LIPH: variants seen among roughly 807,000 people sequenced by gnomAD.
The protein encoded by LIPH is lipase H.
Under a neutral mutation model 47.6 loss-of-function variants are expected in LIPH, and 32 were observed. That is an observed-to-expected ratio of 0.67 (90% CI 0.51 to 0.90). The LOEUF (loss-of-function observed/expected upper bound fraction) is 0.90. LIPH is among the 40% of genes least tolerant of loss of function. The probability of loss-of-function intolerance (pLI) is 0.00; values close to 1 mark genes in which losing one functional copy is unlikely to be tolerated. For synonymous variants in LIPH, 190 were observed against 195.6 expected (o/e 0.97, Z 0.24); for missense variants, 497 against 541.4 (o/e 0.92, Z 0.81).
At chr3:185,518,501 C>T (rs924389456) in intron 6 of LIPH, among the ~76,000 whole-genome samples, 3 of 151,810 alleles carry the variant, frequency 2.0e-5, no homozygotes. Flanking sequence ...AGGCTGGTCT[C>T]AAACTCCTGA....
At chr3:185,536,299 G>A (rs1720501098) in intron 1 of LIPH, among the ~76,000 whole-genome samples, 1 of 152,048 alleles carries the variant, frequency 6.6e-6, no homozygotes, top group South Asian at 2.1e-4. Flanking sequence ...AGTATCTTCT[G>A]TAAGATACTC....
chr3:185,520,259 G>A (rs575888019), intron 5 of LIPH, among the ~76,000 whole-genome samples: 3 of 152,034 alleles, frequency 2.0e-5, no homozygotes, highest in Non-Finnish European at 4.4e-5. Flanking sequence ...GGTGGCTCAC[G>A]CCTATAATCC....
chr3:185,520,644 T>G (rs548213644), intron 5 of LIPH, among the ~76,000 whole-genome samples: 17 of 152,194 alleles, frequency 1.1e-4, no homozygotes, highest in Non-Finnish European at 2.2e-4. Context: ...GTCATGGAGC[T>G]CTCTCACTCC....
At chr3:185,524,274 G>A (rs2077591132) in intron 4 of LIPH, 114 bp from the exon 5 acceptor site, 1 of 712,446 alleles carries the variant, frequency 1.4e-6, no homozygotes, top group Admixed American at 2.1e-5. Context: ...TATCATTATT[G>A]TTATACCTAT....
intron 1 of LIPH, among the ~76,000 whole-genome samples, chr3:185,542,858 AAC>A (rs1720755049): frequency 1.3e-5 from 2 of 152,204 alleles, no homozygotes; most frequent in South Asian, 4.1e-4. Context: ...TAAGTGAAAT[AAC>A]ACAGACACAG....
In LIPH at chr3:185,507,898, G is replaced by A. The variant is rs1176268077; in HGVS notation, c.*892C>T. 6.6e-6 allele frequency: 1 copy of A among 152,184 alleles called. No individual in the cohort carries two copies. Among genetic ancestry groups the A allele is most frequent in the African/African-American group, 2.4e-5 (1 of 41,418 alleles). The allele number at this position is 152,184 out of a possible 1,614,324, so 9.4% of individuals were successfully genotyped here. A position where few individuals can be genotyped will look rare whatever the true frequency, so the allele number is the denominator to read the frequency against. ...ATTTCTTAAGGGTTGCTTAAAATGAGCGTTGCCTGTAAAGTGATCCTTCTC... is the reference window on the plus strand; with the variant it reads ...ATTTCTTAAGGGTTGCTTAAAATGAACGTTGCCTGTAAAGTGATCCTTCTC... On this transcript the variant is annotated 3_prime_UTR_variant, in exon 10 of 10. Transcript: ENST00000296252.
chr3:185,545,452 C>T (rs1480819181), intron 1 of LIPH, among the ~76,000 whole-genome samples: 1 of 152,198 alleles, frequency 6.6e-6, no homozygotes, highest in Non-Finnish European at 1.5e-5. Context: ...CCTGGTCATG[C>T]CCATTTATAT....
rs1467840414 is a variant in LIPH, at chr3:185,524,171, A to T, written c.629-11T>A. On this transcript the variant is annotated splice_polypyrimidine_tract_variant and intron_variant, in intron 4 of 9. Coordinates refer to ENST00000296252, the MANE Select transcript of LIPH (RefSeq NM_139248.3). ...CCTTGTAGCCCAGTGCTAAAAGAGAACACATTCTGCTTTTATACTCCTTTG... is the reference window on the plus strand; with the variant it reads ...CCTTGTAGCCCAGTGCTAAAAGAGATCACATTCTGCTTTTATACTCCTTTG... 2 of 1,537,072 alleles carry T rather than the reference A, an allele frequency of 1.3e-6. No individual in the cohort carries two copies. Among genetic ancestry groups the T allele is most frequent in the South Asian group, 2.2e-5 (2 of 89,510 alleles).
At chr3:185,522,461 G>A (rs748111401) in intron 5 of LIPH, among the ~76,000 whole-genome samples, 37 of 147,458 alleles carry the variant, frequency 2.5e-4, no homozygotes, top group Non-Finnish European at 4.5e-4. Context: ...GAAGGAAGAA[G>A]GAAAGGGAAG....
chr3:185,520,769 T>C (rs1213624239), intron 5 of LIPH, among the ~76,000 whole-genome samples: 1 of 151,978 alleles, frequency 6.6e-6, no homozygotes, highest in Non-Finnish European at 1.5e-5. Flanking sequence ...TTATCAAAAT[T>C]CTCCCATTCT....
intron 1 of LIPH, among the ~76,000 whole-genome samples, chr3:185,542,037 G>C (rs1244072334): frequency 6.6e-6 from 1 of 152,078 alleles, no homozygotes; most frequent in Non-Finnish European, 1.5e-5. Context: ...GATTACAAGC[G>C]TGAGCCACCG....
chr3:185,548,359 C>T (rs1251966892), intron 1 of LIPH, among the ~76,000 whole-genome samples: 1 of 150,844 alleles, frequency 6.6e-6, no homozygotes, highest in Non-Finnish European at 1.5e-5. Context: ...GAGCCAAGAT[C>T]GCGCCACTGC....
At chr3:185,516,952 C>G in intron 7 of LIPH, 115 bp downstream of exon 7, 2 of 791,154 alleles carry the variant, frequency 2.5e-6, no homozygotes, top group Non-Finnish European at 4.6e-6. Context: ...CTTCCAGCTC[C>G]AAAGTTGATG....
intron 1 of LIPH, among the ~76,000 whole-genome samples, chr3:185,547,658 A>C (rs1720918123): frequency 6.6e-6 from 1 of 152,052 alleles, no homozygotes; most frequent in African/African-American, 2.4e-5. Context: ...CCCCGTCTCT[A>C]CTAAAAATAC....
At chr3:185,525,473 A>G (rs1720039135) in intron 4 of LIPH, among the ~76,000 whole-genome samples, 1 of 152,124 alleles carries the variant, frequency 6.6e-6, no homozygotes, top group Non-Finnish European at 1.5e-5. Context: ...AATTCAGATG[A>G]AACAACTTAA....
chr3:185,539,751 G>A (rs1577686465), intron 1 of LIPH, among the ~76,000 whole-genome samples: 1 of 152,206 alleles, frequency 6.6e-6, no homozygotes, highest in Non-Finnish European at 1.5e-5. Context: ...AAAGATAAAT[G>A]AGTATATCTA....
chr3:185,517,719 G>C (rs1033286861), intron 6 of LIPH, among the ~76,000 whole-genome samples: 1 of 152,022 alleles, frequency 6.6e-6, no homozygotes, highest in Non-Finnish European at 1.5e-5. Flanking sequence ...TGCCTTAATT[G>C]ATCCAGGGTG....
chr3:185,543,846 CTTT>C (rs57080060), intron 1 of LIPH, among the ~76,000 whole-genome samples: 55 of 108,654 alleles, frequency 5.1e-4, no homozygotes, highest in Admixed American at 8.3e-4. Context: ...CTGGCTCTTG[CTTT>C]TTTTTTTTTT....
intron 1 of LIPH, among the ~76,000 whole-genome samples, chr3:185,537,980 T>A (rs936597387): frequency 6.6e-6 from 1 of 152,118 alleles, no homozygotes; most frequent in African/African-American, 2.4e-5. Flanking sequence ...CTAATTTTTA[T>A]ATTTTTTGTA....
Sources: allele counts gnomAD v4.1 joint callset (sites outside exome capture counted in the v4.1 genomes callset), GRCh38; gene constraint gnomAD v4.1.1; transcripts MANE v1.5; gene names NCBI Gene and HGNC (gene_info 2026-07-23, HGNC 2026-07-21).